Variants in SLC24A3 observed in about 807,000 individuals in gnomAD.
The protein encoded by SLC24A3 is sodium/potassium/calcium exchanger 3.
SLC24A3 carries 28 observed loss-of-function variants against 75.8 expected under a neutral mutation model. The observed-to-expected ratio is 0.37, with a 90% confidence interval of 0.27 to 0.51. SLC24A3 has a LOEUF of 0.51. SLC24A3 is among the 20% of genes least tolerant of loss of function. The pLI is 0.94. For missense variants in SLC24A3, 663 were observed against 847.8 expected (o/e 0.78, Z 2.71); for synonymous variants, 372 against 334.1 (o/e 1.11, Z -1.24).
intron 2 of SLC24A3, among the ~76,000 whole-genome samples, chr20:19,495,295 C>T (rs1423843912): frequency 6.6e-6 from 1 of 152,228 alleles, no homozygotes; most frequent in Non-Finnish European, 1.5e-5. Context: ...CCTGCCTGTA[C>T]TTTGCATTGG....
rs552295685 is a variant in SLC24A3 at position 19,552,612 on chromosome 20, A to C, written c.349-27388A>C. 7.5e-4 allele frequency among the ~76,000 whole-genome samples: 114 copies of C among 152,294 alleles called. 1 individual carries two copies. Among genetic ancestry groups the C allele is most frequent in the Non-Finnish European group, 9.1e-4 (62 of 68,014 alleles). ...CTCTGGGCTCCAGCAAGGAGGCTGAATACAATTTCATTATGAAACAGCACC... is the reference window on the plus strand; with the variant it reads ...CTCTGGGCTCCAGCAAGGAGGCTGACTACAATTTCATTATGAAACAGCACC... On this transcript the variant is annotated intron_variant, in intron 3 of 16. Transcript: ENST00000328041.
At chr20:19,556,208 TG>T (rs1302678006) in intron 3 of SLC24A3, among the ~76,000 whole-genome samples, 2 of 152,042 alleles carry the variant, frequency 1.3e-5, no homozygotes, top group Non-Finnish European at 1.5e-5. Flanking sequence ...CATATAAATT[TG>T]GGGGGGACAT....
chr20:19,390,533 C>T (rs989388885), intron 2 of SLC24A3, among the ~76,000 whole-genome samples: 1 of 152,132 alleles, frequency 6.6e-6, no homozygotes, highest in African/African-American at 2.4e-5. Context: ...AATGGCCTGG[C>T]ACTGGGGCAG....
At chr20:19,489,871 C>T (rs1051712552) in intron 2 of SLC24A3, among the ~76,000 whole-genome samples, 2 of 152,132 alleles carry the variant, frequency 1.3e-5, no homozygotes, top group South Asian at 2.1e-4. Context: ...TGGAATGTGC[C>T]GTTCTTCACT....
At chr20:19,478,548 A>G (rs576778405) in intron 2 of SLC24A3, among the ~76,000 whole-genome samples, 6 of 152,254 alleles carry the variant, frequency 3.9e-5, no homozygotes, top group African/African-American at 1.4e-4. Flanking sequence ...TGGTTTGACT[A>G]ATCCAGCTTA....
intron 2 of SLC24A3, among the ~76,000 whole-genome samples, chr20:19,338,705 G>T (rs1985195308): frequency 6.6e-6 from 1 of 152,172 alleles, no homozygotes; most frequent in Non-Finnish European, 1.5e-5. Context: ...TGGGCAAGAT[G>T]CTGACCTCAA....
intron 2 of SLC24A3, among the ~76,000 whole-genome samples, chr20:19,485,101 G>C (rs1293835966): frequency 6.6e-6 from 1 of 152,094 alleles, no homozygotes; most frequent in Non-Finnish European, 1.5e-5. Context: ...TAAGCCCTTT[G>C]GATAGTATTT....
intron 3 of SLC24A3, among the ~76,000 whole-genome samples, chr20:19,553,235 G>T (rs2030730674): frequency 6.6e-6 from 1 of 152,110 alleles, no homozygotes; most frequent in Non-Finnish European, 1.5e-5. Flanking sequence ...CTCTAGGTGT[G>T]TGTGCACCTG....
At chr20:19,239,084 A>G (rs549389778) in intron 1 of SLC24A3, among the ~76,000 whole-genome samples, 2 of 147,606 alleles carry the variant, frequency 1.4e-5, no homozygotes, top group South Asian at 4.6e-4. Context: ...AGGAAGTGTG[A>G]TGCAATCACT....
intron 2 of SLC24A3, chr20:19,283,230 G>T (rs1349920949): frequency 6.6e-6 from 1 of 152,490 alleles, no homozygotes; most frequent in Non-Finnish European, 1.5e-5. Flanking sequence ...AACAGGAGAA[G>T]TTCTGTTCAA....
chr20:19,580,004 T>C lies in SLC24A3; in HGVS notation c.353T>C (p.Ile118Thr). Residue 118 changes from isoleucine (I) to threonine (T), a missense_variant, in exon 4 of 17, where the codon ATA becomes ACA. Transcript: ENST00000328041. ...GAVVLHVLCA[I>T]YMFYALAIVC... ...CTTTTATCTCCTCTCTTCCAGGCCATATACATGTTCTATGCGCTGGCCATT... is the reference window on the plus strand; with the variant it reads ...CTTTTATCTCCTCTCTTCCAGGCCACATACATGTTCTATGCGCTGGCCATT... 1 of 1,612,718 alleles carries C rather than the reference T, an allele frequency of 6.2e-7. No individual in the cohort carries two copies. Among genetic ancestry groups the C allele is most frequent in the Non-Finnish European group, 8.5e-7 (1 of 1,178,764 alleles).
At chr20:19,406,430 G>A (rs1280439516) in intron 2 of SLC24A3, among the ~76,000 whole-genome samples, 3 of 152,128 alleles carry the variant, frequency 2.0e-5, no homozygotes, top group African/African-American at 2.4e-5. Flanking sequence ...TTTCTTTAAT[G>A]TCCATGCAGA....
intron 2 of SLC24A3, among the ~76,000 whole-genome samples, chr20:19,398,578 T>C (rs1324966564): frequency 6.6e-6 from 1 of 152,186 alleles, no homozygotes; most frequent in African/African-American, 2.4e-5. Context: ...TACCTTTTAG[T>C]CTACAACATT....
At chr20:19,258,976 A>G (rs1484972985) in intron 1 of SLC24A3, among the ~76,000 whole-genome samples, 1 of 152,212 alleles carries the variant, frequency 6.6e-6, no homozygotes, top group Admixed American at 6.5e-5. Flanking sequence ...TTCCATTTTA[A>G]TATTAGCACA....
At chr20:19,225,271 C>T (rs6106036) in intron 1 of SLC24A3, among the ~76,000 whole-genome samples, 1 of 152,064 alleles carries the variant, frequency 6.6e-6, no homozygotes, top group Non-Finnish European at 1.5e-5. Flanking sequence ...TTCCTAGGAC[C>T]TTAAGAACCC....
intron 2 of SLC24A3, among the ~76,000 whole-genome samples, chr20:19,446,064 C>T (rs545564287): frequency 6.6e-6 from 1 of 152,250 alleles, no homozygotes; most frequent in South Asian, 2.1e-4. Flanking sequence ...TTACCAGTGG[C>T]CAGTGCCAGC....
chr20:19,667,997 T>G (rs2032419919), intron 8 of SLC24A3, among the ~76,000 whole-genome samples: 1 of 152,176 alleles, frequency 6.6e-6, no homozygotes, highest in South Asian at 2.1e-4. Context: ...ATACATGAGT[T>G]GCAAATCCCC....
At chr20:19,530,429 G>A (rs1395028519) in intron 3 of SLC24A3, among the ~76,000 whole-genome samples, 1 of 152,144 alleles carries the variant, frequency 6.6e-6, no homozygotes, top group African/African-American at 2.4e-5. Flanking sequence ...AATCTGGGTG[G>A]GTGAGGATGT....
intron 1 of SLC24A3, among the ~76,000 whole-genome samples, chr20:19,221,016 G>A (rs910699405): frequency 1.1e-4 from 16 of 152,286 alleles, no homozygotes; most frequent in African/African-American, 3.8e-4. Context: ...CATTTTCTAA[G>A]CCTTCACCAC....
Sources: gnomAD v4.1 joint callset for allele counts (sites outside exome capture counted in the v4.1 genomes callset) on GRCh38, gnomAD v4.1.1 for gene constraint, MANE v1.5 for transcripts, NCBI Gene and HGNC (gene_info 2026-07-23, HGNC 2026-07-21) for gene names.